Variants in RNF38 observed in about 807,000 individuals in gnomAD.
RNF38 encodes E3 ubiquitin-protein ligase RNF38.
Under a neutral mutation model 67.2 loss-of-function variants are expected in RNF38, and 15 were observed. The ratio of observed to expected loss-of-function variants is 0.22; its 90% confidence interval spans 0.15 to 0.34. The LOEUF (loss-of-function observed/expected upper bound fraction) is 0.34. Among genes scored for constraint, RNF38 ranks in the 10% least tolerant of loss-of-function variants. The pLI, the probability that RNF38 is intolerant of heterozygous loss-of-function variation, is 1.00. For synonymous variants in RNF38, 220 were observed against 218.8 expected, an observed-to-expected ratio of 1.01 and a Z score of -0.05; for missense variants, 524 against 639.9, an observed-to-expected ratio of 0.82 and a Z score of 1.95.
chr9:36,374,480 C>T lies in RNF38; in HGVS notation c.356+1454G>A, dbSNP rs142802580. Among the ~76,000 whole-genome samples, 701 of 152,198 alleles carry T rather than the reference C, an allele frequency of 4.6e-3. 1 individual carries two copies. Among genetic ancestry groups the T allele is most frequent in the Non-Finnish European group, 7.7e-3 (526 of 68,002 alleles). On this transcript the variant is annotated intron_variant, in intron 3 of 11. Transcript: ENST00000259605. ...CTCATATGGTGGAGGATGAGTTCCC[C>T]GACATCTCTTTTTGAGACAGAGTCT...
chr9:36,420,407 C>T (rs1471385151), intron 2 of RNF38, among the ~76,000 whole-genome samples: 1 of 151,734 alleles, frequency 6.6e-6, no homozygotes, highest in Non-Finnish European at 1.5e-5. Flanking sequence ...TGACAGGCAC[C>T]TGTAGTCCCA....
upstream of RNF38, chr9:36,400,786 CAG>C (rs1338731262): frequency 1.0e-6 from 1 of 985,522 alleles, no homozygotes; most frequent in Non-Finnish European, 1.2e-6. Context: ...CCAGAGATGA[CAG>C]AGTCGCCTAA....
intron 11 of RNF38, among the ~76,000 whole-genome samples, chr9:36,341,181 T>A (rs1166439346): frequency 6.6e-6 from 1 of 152,180 alleles, no homozygotes; most frequent in Non-Finnish European, 1.5e-5. Flanking sequence ...CCTTTTCTTT[T>A]CCCACTCTTC....
intron 2 of RNF38, among the ~76,000 whole-genome samples, chr9:36,421,528 T>C (rs1336499595): frequency 6.6e-6 from 1 of 152,060 alleles, no homozygotes; most frequent in Non-Finnish European, 1.5e-5. Flanking sequence ...CCGGGCGTGG[T>C]AGCGGATGCC....
intron 1 of RNF38, among the ~76,000 whole-genome samples, chr9:36,391,160 C>T (rs1444858311): frequency 6.6e-6 from 1 of 152,068 alleles, no homozygotes; most frequent in Non-Finnish European, 1.5e-5. Context: ...AAAGACCTTC[C>T]TAAGGAATAA....
chr9:36,407,279 T>G (rs545608211), intron 2 of RNF38, among the ~76,000 whole-genome samples: 1 of 152,146 alleles, frequency 6.6e-6, no homozygotes, highest in African/African-American at 2.4e-5. Flanking sequence ...TCCCATATTA[T>G]ATAGCCACTT....
rs1187411467 is a variant in RNF38 at position 36,357,818 on chromosome 9, A to G, written c.695T>C (p.Val232Ala). 1 of 1,613,894 alleles carries G rather than the reference A, an allele frequency of 6.2e-7. No homozygotes were observed. ...GACAGGGAGGTGCTGTCCACTGAAA[A>G]CCACAGAGCATCCTGGGACCTGCTG... is the stretch of plus-strand genomic sequence containing the variant. ...STQQVPGCSV[V>A]FSGQHLPVCS... Residue 232 changes from valine (V) to alanine (A), a missense_variant, in exon 5 of 12, where the codon GTT becomes GCT. Physicochemically the swap from Val to Ala is moderately conservative, Grantham distance 64. This residue lies in a region of RNF38 where 461 missense variants were observed against 517.4 expected (regional missense o/e 0.89). Coordinates refer to ENST00000259605, the MANE Select transcript of RNF38 (RefSeq NM_022781.5).
At chr9:36,371,568 T>A (rs1835380352) in intron 3 of RNF38, among the ~76,000 whole-genome samples, 1 of 149,382 alleles carries the variant, frequency 6.7e-6, no homozygotes, top group Admixed American at 6.7e-5. Context: ...TGCCTCAACC[T>A]CCCAAGTAGC....
chr9:36,352,665 C>A, intron 8 of RNF38, 77 bp downstream of exon 8: 5 of 1,086,810 alleles, frequency 4.6e-6, no homozygotes, highest in Non-Finnish European at 7.0e-6. Context: ...AAGCTATAGA[C>A]ACAAAGACAT....
intron 1 of RNF38, among the ~76,000 whole-genome samples, chr9:36,469,632 G>A (rs913748383): frequency 3.9e-5 from 6 of 152,012 alleles, no homozygotes; most frequent in African/African-American, 1.4e-4. Context: ...TTGCACTCCA[G>A]CCTGGGCAAC....
upstream of RNF38, among the ~76,000 whole-genome samples, chr9:36,405,514 C>G (rs1323169810): frequency 6.6e-5 from 10 of 152,168 alleles, no homozygotes; most frequent in Non-Finnish European, 1.5e-5. Flanking sequence ...ATGTCCCTAT[C>G]AAGTTTTGTT....
At chr9:36,405,723 T>A (rs904431826), upstream of RNF38, among the ~76,000 whole-genome samples, 7 of 151,018 alleles carry the variant, frequency 4.6e-5, no homozygotes, top group Non-Finnish European at 4.4e-5. Flanking sequence ...GCAAAACAAC[T>A]GTAATCTTAG....
At chr9:36,379,460 T>C (rs1282476915) in intron 2 of RNF38, among the ~76,000 whole-genome samples, 1 of 152,116 alleles carries the variant, frequency 6.6e-6, no homozygotes, top group Non-Finnish European at 1.5e-5. Flanking sequence ...AAATGAATAT[T>C]GAACCCAAAT....
At chr9:36,390,985 T>C (rs1202406634) in intron 1 of RNF38, among the ~76,000 whole-genome samples, 1 of 152,250 alleles carries the variant, frequency 6.6e-6, no homozygotes, top group South Asian at 2.1e-4. Flanking sequence ...AAAGGTTAAG[T>C]GTTTGCCTGG....
intron 1 of RNF38, among the ~76,000 whole-genome samples, chr9:36,467,210 G>T (rs115103088): frequency 0.076 from 3,357 of 44,190 alleles, 139 homozygotes; most frequent in South Asian, 0.18. Context: ...TAATCTGATT[G>T]CTATTACATA....
chr9:36,382,319 G>T (rs1836272626), intron 2 of RNF38, among the ~76,000 whole-genome samples: 1 of 152,146 alleles, frequency 6.6e-6, no homozygotes, highest in Non-Finnish European at 1.5e-5. Context: ...GTCATAATGG[G>T]AGGAAGGAAG....
In RNF38 at chr9:36,369,703, C is replaced by T; in HGVS notation, c.570+16G>A. On this transcript the variant is annotated intron_variant, in intron 4 of 11. Coordinates refer to ENST00000259605, the MANE Select transcript of RNF38 (RefSeq NM_022781.5). ...AATTTCAGCTTCTGTATTTCCAAGACATTCTGTTATTGTACCTGATCATGT... is the reference window on the plus strand; with the variant it reads ...AATTTCAGCTTCTGTATTTCCAAGATATTCTGTTATTGTACCTGATCATGT... The T allele has an allele frequency of 6.5e-7, 1 of 1,539,286 alleles. No individual in the cohort carries two copies.
intron 2 of RNF38, among the ~76,000 whole-genome samples, chr9:36,420,532 CAAAA>C (rs59641483): frequency 1.4e-5 from 1 of 73,398 alleles, no homozygotes; most frequent in Non-Finnish European, 3.2e-5. Context: ...ACTCTGTCTC[CAAAA>C]AAAAAAAAAA....
chr9:36,434,879 C>T (rs975449947), intron 1 of RNF38, among the ~76,000 whole-genome samples: 1 of 152,152 alleles, frequency 6.6e-6, no homozygotes, highest in Non-Finnish European at 1.5e-5. Flanking sequence ...AAGAATAGTG[C>T]CTGGCACATA....
Sources: gnomAD v4.1 joint callset for allele counts (sites outside exome capture counted in the v4.1 genomes callset) on GRCh38, gnomAD v4.1.1 for gene constraint, gnomAD v4.1.1 regional missense constraint, MANE v1.5 for transcripts, NCBI Gene and HGNC (gene_info 2026-07-23, HGNC 2026-07-21) for gene names.